Variants in CSTPP1 observed in about 807,000 individuals in gnomAD.
The protein encoded by CSTPP1 is UPF0705 protein C11orf49.
chr11:47,113,682 C>T, the CSTPP1 span, among the ~76,000 whole-genome samples: 2 of 152,146 alleles, frequency 1.3e-5, no homozygotes, highest in Non-Finnish European at 2.9e-5. Flanking sequence ...CCTTTGCCCA[C>T]TTTTTGATGG....
the CSTPP1 span, among the ~76,000 whole-genome samples, chr11:47,058,855 G>C: frequency 6.6e-6 from 1 of 152,170 alleles, no homozygotes; most frequent in Non-Finnish European, 1.5e-5. Flanking sequence ...CTGCATGACA[G>C]GCTGGAAATA....
At chr11:47,075,188 A>G in the CSTPP1 span, among the ~76,000 whole-genome samples, 3 of 151,996 alleles carry the variant, frequency 2.0e-5, no homozygotes, top group South Asian at 2.1e-4. Context: ...CTTGGCCAAC[A>G]TGGTGAAACC....
At chr11:47,156,920 T>C in the CSTPP1 span, 1 of 1,215,068 alleles carries the variant, frequency 8.2e-7, no homozygotes, top group Non-Finnish European at 1.1e-6. Context: ...CTGAGGCTGG[T>C]GTGGAACTGG....
the CSTPP1 span, among the ~76,000 whole-genome samples, chr11:47,016,919 T>C: frequency 7.1e-6 from 1 of 141,430 alleles, no homozygotes; most frequent in African/African-American, 2.6e-5. Context: ...CTCGGCTCAC[T>C]GCAGGCTCCG....
the CSTPP1 span, among the ~76,000 whole-genome samples, chr11:47,121,117 T>C: frequency 6.6e-6 from 1 of 152,202 alleles, no homozygotes; most frequent in African/African-American, 2.4e-5. Context: ...GATCATTGCC[T>C]TCAGGACCCA....
the CSTPP1 span, among the ~76,000 whole-genome samples, chr11:47,094,028 G>T: frequency 3.9e-5 from 6 of 152,182 alleles, no homozygotes; most frequent in Non-Finnish European, 5.9e-5. Context: ...TACTTATTCT[G>T]TGTGGTCCCA....
the CSTPP1 span, among the ~76,000 whole-genome samples, chr11:46,963,386 GA>G: frequency 2.7e-5 from 4 of 149,296 alleles, no homozygotes; most frequent in Admixed American, 1.3e-4. Flanking sequence ...CACATCTATT[GA>G]GATGATCAAG....
the CSTPP1 span, among the ~76,000 whole-genome samples, chr11:47,099,021 A>G: frequency 6.6e-6 from 1 of 151,996 alleles, no homozygotes; most frequent in Admixed American, 6.6e-5. Flanking sequence ...CTTGCTACCC[A>G]TTCCTGTTCT....
the CSTPP1 span, among the ~76,000 whole-genome samples, chr11:46,983,844 CTGTT>C: frequency 6.6e-6 from 1 of 152,210 alleles, no homozygotes; most frequent in African/African-American, 2.4e-5. Context: ...TCGCACTTGG[CTGTT>C]GGCTGGTGTA....
At chr11:47,073,798 A>G in the CSTPP1 span, among the ~76,000 whole-genome samples, 1 of 152,206 alleles carries the variant, frequency 6.6e-6, no homozygotes, top group African/African-American at 2.4e-5. Context: ...ATATTTTTGT[A>G]TACTTGAGCA....
chr11:47,043,507 G>A, the CSTPP1 span, among the ~76,000 whole-genome samples: 19 of 152,146 alleles, frequency 1.2e-4, no homozygotes, highest in Admixed American at 1.2e-3. Flanking sequence ...GGAGCCATAA[G>A]CCATCCAATA....
the CSTPP1 span, among the ~76,000 whole-genome samples, chr11:46,943,998 G>A: frequency 6.6e-6 from 1 of 152,252 alleles, no homozygotes; most frequent in East Asian, 1.9e-4. Flanking sequence ...TCCAGCCTGG[G>A]TGACAAAGTG....
At chr11:47,066,337 A>G in the CSTPP1 span, among the ~76,000 whole-genome samples, 1 of 151,884 alleles carries the variant, frequency 6.6e-6, no homozygotes, top group Admixed American at 6.6e-5. Context: ...CATTCTCCCC[A>G]TGTCTGCATG....
At chr11:47,006,968 T>C in the CSTPP1 span, among the ~76,000 whole-genome samples, 3 of 150,800 alleles carry the variant, frequency 2.0e-5, no homozygotes, top group Non-Finnish European at 3.0e-5. Context: ...CTGTCTCTTA[T>C]GCTCTTTTTT....
chr11:47,077,359 C>T, the CSTPP1 span, among the ~76,000 whole-genome samples: 1 of 152,000 alleles, frequency 6.6e-6, no homozygotes, highest in Admixed American at 6.6e-5. Context: ...GCCACCACAC[C>T]CAGCTAATTT....
chr11:47,010,814 A>T, the CSTPP1 span, among the ~76,000 whole-genome samples: 1 of 152,126 alleles, frequency 6.6e-6, no homozygotes, highest in Admixed American at 6.5e-5. Flanking sequence ...TAATATTTAG[A>T]TTTTGTTTGA....
At chr11:47,164,291 A>C in the CSTPP1 span, 1 of 1,580,256 alleles carries the variant, frequency 6.3e-7, no homozygotes, top group East Asian at 2.3e-5. Context: ...CAGGATCCAG[A>C]GGACACTGCT....
At chr11:47,158,796 A>G in the CSTPP1 span, among the ~76,000 whole-genome samples, 1 of 152,138 alleles carries the variant, frequency 6.6e-6, no homozygotes, top group East Asian at 1.9e-4. Context: ...TGCTCTCCCA[A>G]AGTACTGGGA....
At chr11:47,102,408 T>C in the CSTPP1 span, among the ~76,000 whole-genome samples, 1 of 152,132 alleles carries the variant, frequency 6.6e-6, no homozygotes, top group Non-Finnish European at 1.5e-5. Flanking sequence ...TATACTTCTT[T>C]TAAAAAGCCT....
Sources: gnomAD v4.1 joint callset for allele counts (sites outside exome capture counted in the v4.1 genomes callset) on GRCh38, gnomAD v4.1.1 for gene constraint, MANE v1.5 for transcripts, NCBI Gene and HGNC (gene_info 2026-07-23, HGNC 2026-07-21) for gene names.